DAB1: variants seen among roughly 807,000 people sequenced by gnomAD.
DAB1 encodes disabled homolog 1.
DAB1 carries 15 observed loss-of-function variants against 64.6 expected under a neutral mutation model. That is an observed-to-expected ratio of 0.23 (90% CI 0.16 to 0.36). The LOEUF (loss-of-function observed/expected upper bound fraction) is 0.36. Ranked by LOEUF, DAB1 falls within the 10% of genes least tolerant of loss-of-function variation. The probability of loss-of-function intolerance (pLI) is 1.00; values close to 1 mark genes in which losing one functional copy is unlikely to be tolerated. For missense variants in DAB1, 596 were observed against 706.7 expected (o/e 0.84, Z 1.78); for synonymous variants, 235 against 251.9 (o/e 0.93, Z 0.64).
intron 1 of DAB1, among the ~76,000 whole-genome samples, chr1:57,360,212 C>T (rs1679437495): frequency 6.6e-6 from 1 of 151,512 alleles, no homozygotes; most frequent in South Asian, 2.1e-4. Context: ...TGTTAGCTGT[C>T]AATTTTAAAC....
intron 5 of DAB1, among the ~76,000 whole-genome samples, chr1:57,917,973 C>T (rs1458749807): frequency 1.3e-5 from 2 of 151,932 alleles, no homozygotes; most frequent in Non-Finnish European, 2.9e-5. Flanking sequence ...GAGGCTGAGG[C>T]AGAAGAATCC....
At chr1:57,219,846 C>T (rs1666720230) in intron 2 of DAB1, among the ~76,000 whole-genome samples, 1 of 152,116 alleles carries the variant, frequency 6.6e-6, no homozygotes, top group South Asian at 2.1e-4. Context: ...AGCCCAGAAT[C>T]CGGAAAGAAA....
chr1:58,452,485 C>T (rs1235957082), intron 3 of DAB1, among the ~76,000 whole-genome samples: 2 of 151,824 alleles, frequency 1.3e-5, no homozygotes, highest in African/African-American at 4.8e-5. Context: ...TGCAACATCA[C>T]AGAGCCACTC....
At position 58,192,324 on chromosome 1, in the gene DAB1, C is replaced by T. The variant is rs973166416; in HGVS notation, n.310-41736G>A. 3.9e-5 allele frequency among the ~76,000 whole-genome samples: 6 copies of T among 152,166 alleles called. No individual in the cohort carries two copies. In the East Asian group the frequency reaches 9.6e-4, roughly 24 times the overall value. On this transcript the variant is annotated intron_variant and non_coding_transcript_variant, in intron 4 of 20. Transcript: ENST00000485760. Reference sequence around the variant, plus strand: ...AGTGCAGATTCCTTACATGCATATACTGCCTAGTGGTGAAGTCTGGGCTTT... The same window carrying T: ...AGTGCAGATTCCTTACATGCATATATTGCCTAGTGGTGAAGTCTGGGCTTT...
intron 1 of DAB1, among the ~76,000 whole-genome samples, chr1:57,833,041 G>A (rs1290980823): frequency 6.1e-5 from 9 of 146,348 alleles, no homozygotes; most frequent in Admixed American, 4.8e-4. Context: ...AAGGAAATAA[G>A]TGAGCCTGGG....
intron 7 of DAB1, among the ~76,000 whole-genome samples, chr1:57,647,008 C>T (rs1313790155): frequency 6.6e-6 from 1 of 152,170 alleles, no homozygotes; most frequent in Non-Finnish European, 1.5e-5. Context: ...TAGTTTACCT[C>T]ATTGAGCTCC....
chr1:57,358,339 T>G (rs1679286395), intron 1 of DAB1, among the ~76,000 whole-genome samples: 1 of 152,058 alleles, frequency 6.6e-6, no homozygotes, highest in Non-Finnish European at 1.5e-5. Flanking sequence ...CCTAATTTGT[T>G]GAGAGCTTTT....
chr1:57,255,945 T>C (rs1570071596), intron 2 of DAB1, among the ~76,000 whole-genome samples: 1 of 152,268 alleles, frequency 6.6e-6, no homozygotes, highest in East Asian at 1.9e-4. Context: ...CTTGCCTTAA[T>C]GTGCCATTTA....
intron 2 of DAB1, among the ~76,000 whole-genome samples, chr1:57,206,662 C>T (rs114870747): frequency 2.9e-4 from 44 of 152,304 alleles, no homozygotes; most frequent in Non-Finnish European, 5.7e-4. Flanking sequence ...GTTTCTCTTG[C>T]TTCTGGATAT....
intron 5 of DAB1, among the ~76,000 whole-genome samples, chr1:57,897,653 T>C (rs1287555590): frequency 6.6e-6 from 1 of 152,084 alleles, no homozygotes; most frequent in Non-Finnish European, 1.5e-5. Flanking sequence ...TTTGAAGGGA[T>C]AGGAAAATGG....
At chr1:57,370,629 C>T (rs1237094774) in intron 1 of DAB1, among the ~76,000 whole-genome samples, 14 of 144,624 alleles carry the variant, frequency 9.7e-5, no homozygotes, top group Non-Finnish European at 2.1e-4. Context: ...AAAAAAAAAA[C>T]GTGTAACCCT....
intron 4 of DAB1, among the ~76,000 whole-genome samples, chr1:58,214,477 C>A (rs924661200): frequency 2.0e-5 from 3 of 152,070 alleles, no homozygotes; most frequent in Admixed American, 6.6e-5. Context: ...GAGAGTGTGG[C>A]AGAGAAAAGC....
chr1:57,287,857 G>A (rs1164031809), intron 2 of DAB1, among the ~76,000 whole-genome samples: 1 of 151,772 alleles, frequency 6.6e-6, no homozygotes, highest in Non-Finnish European at 1.5e-5. Flanking sequence ...GGGCAATGAA[G>A]CCATCTTGGC....
chr1:57,835,542 C>T lies in DAB1; in HGVS notation n.88-9087G>A, dbSNP rs140036468. 3.6e-3 allele frequency among the ~76,000 whole-genome samples: 550 copies of T among 152,236 alleles called. 2 individuals carry two copies. The highest frequency in any genetic ancestry group is 0.013 in the African/African-American group (531 of 41,546). Reference sequence around the variant, plus strand: ...AGGGGACCAGAGAGTCCAGGTGACTCGGCCAAGGTCACCCAGCAAGTTGTT... The same window carrying T: ...AGGGGACCAGAGAGTCCAGGTGACTTGGCCAAGGTCACCCAGCAAGTTGTT... On this transcript the variant is annotated intron_variant and non_coding_transcript_variant, in intron 1 of 1. Transcript: ENST00000477280.
At chr1:58,135,952 C>T (rs1030500356) in intron 5 of DAB1, among the ~76,000 whole-genome samples, 2 of 152,096 alleles carry the variant, frequency 1.3e-5, no homozygotes, top group African/African-American at 2.4e-5. Context: ...ACCCTCTCTG[C>T]GGTGCAGTGT....
chr1:57,470,763 A>G lies in DAB1; in HGVS notation n.625+178829T>C, dbSNP rs373234145. ...TCCTAATTCCTTTAAAAATCAGCACAAAAGAGCTATGTCTATAGCCATTAG... is the reference window on the plus strand; with the variant it reads ...TCCTAATTCCTTTAAAAATCAGCACGAAAGAGCTATGTCTATAGCCATTAG... On this transcript the variant is annotated intron_variant and non_coding_transcript_variant, in intron 7 of 20. Transcript: ENST00000485760. Among the ~76,000 whole-genome samples the G allele has an allele frequency of 3.8e-4, 58 of 152,334 alleles. No homozygotes were observed. The East Asian group carries it at 8.3e-3, about 22-fold the overall frequency.
chr1:58,401,642 G>A (rs549175959), intron 3 of DAB1, among the ~76,000 whole-genome samples: 130 of 152,254 alleles, frequency 8.5e-4, no homozygotes, highest in Admixed American at 2.6e-3. Context: ...CTGTATCTCA[G>A]CAACTAAAAC....
chr1:58,111,075 G>T (rs940507114), intron 5 of DAB1, among the ~76,000 whole-genome samples: 1 of 152,200 alleles, frequency 6.6e-6, no homozygotes, highest in Admixed American at 6.5e-5. Flanking sequence ...TGTGCAGTGG[G>T]TGGAGGTGTA....
intron 6 of DAB1, among the ~76,000 whole-genome samples, chr1:57,665,309 T>A (rs1216271656): frequency 6.6e-6 from 1 of 152,120 alleles, no homozygotes; most frequent in Admixed American, 6.5e-5. Flanking sequence ...TTAAAACCTA[T>A]TAAGTTAGCA....
Sources: gnomAD v4.1 joint callset for allele counts (sites outside exome capture counted in the v4.1 genomes callset) on GRCh38, gnomAD v4.1.1 for gene constraint, MANE v1.5 for transcripts, NCBI Gene and HGNC (gene_info 2026-07-23, HGNC 2026-07-21) for gene names.